The following CSMD3 variants were observed in gnomAD, a reference collection of about 807,000 sequenced individuals.
CSMD3 encodes CUB and Sushi multiple domains 3.
In CSMD3, 177 loss-of-function variants were observed where a neutral mutation model predicts 435.2. The observed-to-expected ratio is 0.41, with a 90% confidence interval of 0.36 to 0.46. CSMD3 has a LOEUF of 0.46. Ranked by LOEUF, CSMD3 falls within the 20% of genes least tolerant of loss-of-function variation. CSMD3 has a pLI of 0.34. For synonymous variants in CSMD3, 1,656 were observed against 1,520.5 expected, an observed-to-expected ratio of 1.09 and a Z score of -2.07; for missense variants, 4,265 against 4,504.6, an observed-to-expected ratio of 0.95 and a Z score of 1.52.
intron 10 of CSMD3, among the ~76,000 whole-genome samples, chr8:112,909,248 G>T (rs1341781190): frequency 2.6e-5 from 4 of 151,460 alleles, no homozygotes; most frequent in South Asian, 4.1e-4. Context: ...AATTGGTTCA[G>T]AGCATCGTTT....
At chr8:113,260,498 A>C (rs2093418169) in intron 3 of CSMD3, among the ~76,000 whole-genome samples, 1 of 151,806 alleles carries the variant, frequency 6.6e-6, no homozygotes, top group Non-Finnish European at 1.5e-5. Context: ...CAAGTTTGAA[A>C]CTCTGGCTAT....
intron 32 of CSMD3, among the ~76,000 whole-genome samples, chr8:112,433,654 C>CAAAAAAAAAAAAAAAAAAA (rs35572894): frequency 9.7e-5 from 9 of 93,154 alleles, no homozygotes; most frequent in East Asian, 3.3e-4. Context: ...GAGAACCTGT[C>CAAAAAAAAAAAAAAAAAAA]AAAAAAAAAA....
intron 1 of CSMD3, among the ~76,000 whole-genome samples, chr8:113,413,897 G>T (rs568271037): frequency 6.6e-6 from 1 of 152,224 alleles, no homozygotes; most frequent in Admixed American, 6.5e-5. Context: ...TCCTCAGAAG[G>T]TTATTTGGAA....
At chr8:112,723,837 A>G (rs2076910990) in intron 13 of CSMD3, among the ~76,000 whole-genome samples, 1 of 152,124 alleles carries the variant, frequency 6.6e-6, no homozygotes, top group South Asian at 2.1e-4. Context: ...TCAACACAGC[A>G]CACAGCATGG....
chr8:112,754,020 C>A (rs1462303143), intron 13 of CSMD3, among the ~76,000 whole-genome samples: 2 of 152,152 alleles, frequency 1.3e-5, no homozygotes, highest in Non-Finnish European at 2.9e-5. Flanking sequence ...AGAGAAAAGT[C>A]TGATGAATAA....
intron 13 of CSMD3, among the ~76,000 whole-genome samples, chr8:112,736,673 T>C (rs2077191934): frequency 6.6e-6 from 1 of 152,032 alleles, no homozygotes. Context: ...ATATTGTAAT[T>C]CCATGTTTGT....
intron 40 of CSMD3, 35 bp from the exon 41 acceptor site, chr8:112,346,248 T>C (rs1360301512): frequency 4.9e-6 from 6 of 1,219,524 alleles, no homozygotes; most frequent in Non-Finnish European, 7.3e-6. Flanking sequence ...TAAACCAGAG[T>C]AGAGGAATAA....
chr8:113,031,508 G>A (rs978273787), intron 5 of CSMD3, among the ~76,000 whole-genome samples: 1 of 151,546 alleles, frequency 6.6e-6, no homozygotes, highest in African/African-American at 2.4e-5. Context: ...TAGGTGTTAT[G>A]GTGGGGCAGG....
chr8:113,333,960 A>T lies in CSMD3; in HGVS notation c.179-19167T>A, dbSNP rs183866069. Among the ~76,000 whole-genome samples the T allele has an allele frequency of 1.3e-4, 19 of 151,970 alleles. No homozygotes were observed. The East Asian group carries it at 3.7e-3, about 29-fold the overall frequency. The stretch of plus-strand genomic sequence containing the variant: ...CTTGAACTTCTTCTACTAGCTTTGT[A>T]TAGTTTTCAGGATAGAAGTCCTAGA... On this transcript the variant is annotated intron_variant, in intron 1 of 70. Transcript: ENST00000297405.
intron 4 of CSMD3, among the ~76,000 whole-genome samples, chr8:113,105,066 T>C (rs1348533914): frequency 4.6e-5 from 7 of 152,062 alleles, no homozygotes; most frequent in Admixed American, 3.9e-4. Flanking sequence ...AATATAGGCA[T>C]TCATTCAATA....
At chr8:113,112,474 TAC>T (rs10587896) in intron 4 of CSMD3, among the ~76,000 whole-genome samples, 48,003 of 95,576 alleles carry the variant, frequency 0.5, 12,492 homozygotes, top group East Asian at 0.75. Context: ...CACACACACG[TAC>T]ACACACACAC....
At chr8:113,114,290 C>T (rs1418421548) in intron 4 of CSMD3, among the ~76,000 whole-genome samples, 1 of 151,920 alleles carries the variant, frequency 6.6e-6, no homozygotes, top group South Asian at 2.1e-4. Context: ...TGAAAAGAAG[C>T]GAGACCAGTC....
chr8:112,283,217 G>A (rs1451420236), intron 58 of CSMD3, among the ~76,000 whole-genome samples: 2 of 151,856 alleles, frequency 1.3e-5, no homozygotes, highest in East Asian at 3.9e-4. Flanking sequence ...TCATATTCAG[G>A]GTAGGAAATA....
intron 9 of CSMD3, among the ~76,000 whole-genome samples, chr8:112,924,101 CATG>C (rs2082833427): frequency 6.6e-6 from 1 of 152,094 alleles, no homozygotes; most frequent in South Asian, 2.1e-4. Context: ...CTTTCTAGGC[CATG>C]ATAAGGATTT....
intron 6 of CSMD3, among the ~76,000 whole-genome samples, chr8:112,997,080 C>A (rs1264879063): frequency 6.6e-6 from 1 of 151,120 alleles, no homozygotes; most frequent in Non-Finnish European, 1.5e-5. Flanking sequence ...AGAAAAGTAA[C>A]CACATCATAA....
chr8:112,892,264 T>A (rs1448344489), intron 10 of CSMD3, among the ~76,000 whole-genome samples: 1 of 151,562 alleles, frequency 6.6e-6, no homozygotes, highest in African/African-American at 2.4e-5. Context: ...AATTAACACA[T>A]ATAAAAAATT....
chr8:112,435,418 G>C (rs1200384020), intron 32 of CSMD3, among the ~76,000 whole-genome samples: 1 of 152,022 alleles, frequency 6.6e-6, no homozygotes, highest in Non-Finnish European at 1.5e-5. Context: ...TGGCTGCACA[G>C]CTAGTAAGAG....
At chr8:112,603,493 T>C (rs1832541219) in intron 22 of CSMD3, among the ~76,000 whole-genome samples, 1 of 152,218 alleles carries the variant, frequency 6.6e-6, no homozygotes, top group Non-Finnish European at 1.5e-5. Flanking sequence ...CTGTAGTTAA[T>C]TTTGTGCAGT....
At chr8:112,358,174 T>C (rs1336975733) in intron 38 of CSMD3, among the ~76,000 whole-genome samples, 1 of 152,194 alleles carries the variant, frequency 6.6e-6, no homozygotes, top group Non-Finnish European at 1.5e-5. Context: ...TGAACTTGCA[T>C]GGGGCCTGTA....
Sources: allele counts gnomAD v4.1 joint callset (sites outside exome capture counted in the v4.1 genomes callset), GRCh38; gene constraint gnomAD v4.1.1; transcripts MANE v1.5; gene names NCBI Gene and HGNC (gene_info 2026-07-23, HGNC 2026-07-21).